PRTFDC1: variants seen among roughly 807,000 people sequenced by gnomAD.
The protein encoded by PRTFDC1 is phosphoribosyltransferase domain-containing protein 1.
In PRTFDC1, 38 loss-of-function variants were observed where a neutral mutation model predicts 34.6. That is an observed-to-expected ratio of 1.10 (90% confidence interval 0.85 to 1.44). The LOEUF (loss-of-function observed/expected upper bound fraction) is 1.44. Among genes scored for constraint, PRTFDC1 ranks in the 40% most tolerant of loss-of-function variants. PRTFDC1 has a pLI of 0.00. For missense variants in PRTFDC1, 270 were observed against 283.0 expected, an observed-to-expected ratio of 0.95 and a Z score of 0.33; for synonymous variants, 93 against 98.1, an observed-to-expected ratio of 0.95 and a Z score of 0.31.
At chr10:24,892,695 G>T (rs954597113) in intron 3 of PRTFDC1, among the ~76,000 whole-genome samples, 1 of 152,002 alleles carries the variant, frequency 6.6e-6, no homozygotes, top group African/African-American at 2.4e-5. Flanking sequence ...AACAAATTGT[G>T]CGTATGATAA....
chr10:24,869,932 T>C (rs1323133758), intron 4 of PRTFDC1, among the ~76,000 whole-genome samples: 1 of 152,224 alleles, frequency 6.6e-6, no homozygotes, highest in Non-Finnish European at 1.5e-5. Context: ...AAGAGGACCA[T>C]CCACTTGTTC....
At chr10:24,921,291 G>A (rs182228184) in intron 3 of PRTFDC1, among the ~76,000 whole-genome samples, 172 of 152,236 alleles carry the variant, frequency 1.1e-3, no homozygotes, top group African/African-American at 3.2e-3. Flanking sequence ...AATTTTGGAA[G>A]TGTGAGTTGG....
intron 3 of PRTFDC1, among the ~76,000 whole-genome samples, chr10:24,891,874 C>T (rs749868584): frequency 1.4e-4 from 21 of 152,172 alleles, no homozygotes; most frequent in Non-Finnish European, 2.6e-4. Flanking sequence ...GTGGGCCCTA[C>T]GATTGCCTCA....
chr10:24,885,169 T>C lies in PRTFDC1; in HGVS notation c.340-13106A>G, dbSNP rs557518943. 4.7e-4 allele frequency among the ~76,000 whole-genome samples: 71 copies of C among 152,320 alleles called. 1 individual carries two copies. Among genetic ancestry groups the C allele is most frequent in the African/African-American group, 1.7e-3 (69 of 41,580 alleles). On this transcript the variant is annotated intron_variant, in intron 3 of 8. Transcript: ENST00000320152. ...AAACCTTAACTATTTCAGCAAAGGG[T>C]ATGTGGATCTGCCTTTGTATTCTCG...
intron 4 of PRTFDC1, among the ~76,000 whole-genome samples, chr10:24,871,598 G>A (rs1847868345): frequency 6.6e-6 from 1 of 150,600 alleles, no homozygotes; most frequent in African/African-American, 2.4e-5. Flanking sequence ...ACTTGTCAAT[G>A]AACCTGTGTA....
chr10:24,942,497 C>A (rs1328850953), intron 1 of PRTFDC1, 61 bp from the exon 2 acceptor site: 1 of 1,324,488 alleles, frequency 7.6e-7, no homozygotes, highest in South Asian at 1.2e-5. Flanking sequence ...TAAAACATAA[C>A]AAAAGAGTAT....
chr10:24,856,198 G>C (rs1847572792), intron 6 of PRTFDC1, among the ~76,000 whole-genome samples: 1 of 147,840 alleles, frequency 6.8e-6, no homozygotes, highest in South Asian at 2.2e-4. Context: ...GAGCCCAGAA[G>C]TTTGAGGCTG....
At position 24,928,826 on chromosome 10, in the gene PRTFDC1, A is replaced by AG. The variant is rs575353625; in HGVS notation, c.339+8357dup. Among the ~76,000 whole-genome samples the AG allele has an allele frequency of 4.8e-3, 727 of 151,822 alleles. 8 individuals are homozygous for AG. Among genetic ancestry groups the AG allele is most frequent in the African/African-American group, 0.017 (698 of 41,514 alleles). On this transcript the variant is annotated intron_variant, in intron 3 of 8. Coordinates refer to ENST00000320152, the MANE Select transcript of PRTFDC1 (RefSeq NM_020200.7). ...GCCGAGACAGGCAGATCACGAGGTC[A>AG]GGAGATAGAGACCATCCTGACTAAC... is the stretch of plus-strand genomic sequence containing the variant.
intron 1 of PRTFDC1, among the ~76,000 whole-genome samples, chr10:24,949,592 T>C (rs1849304267): frequency 6.6e-6 from 1 of 152,156 alleles, no homozygotes; most frequent in Non-Finnish European, 1.5e-5. Flanking sequence ...CAAGTTCTAC[T>C]GGAGAAAAGG....
chr10:24,861,539 A>G (rs1320537721), intron 4 of PRTFDC1, among the ~76,000 whole-genome samples: 1 of 151,800 alleles, frequency 6.6e-6, no homozygotes, highest in Admixed American at 6.6e-5. Context: ...CAAACAAAAA[A>G]CCAAATCAAA....
intron 3 of PRTFDC1, among the ~76,000 whole-genome samples, chr10:24,912,268 CAAAAAAAAAA>C (rs58294462): frequency 7.4e-5 from 4 of 53,938 alleles, no homozygotes; most frequent in East Asian, 1.0e-3. Context: ...GACTTCATCT[CAAAAAAAAAA>C]AAAAAAAAAA....
chr10:24,944,280 C>T (rs1009736827), intron 1 of PRTFDC1, among the ~76,000 whole-genome samples: 2 of 152,202 alleles, frequency 1.3e-5, no homozygotes, highest in African/African-American at 2.4e-5. Flanking sequence ...TTTCTTTCAT[C>T]GCCCTCAGGC....
chr10:24,942,493 A>G (rs952277558), intron 1 of PRTFDC1, 57 bp from the exon 2 acceptor site: 51 of 1,367,062 alleles, frequency 3.7e-5, no homozygotes, highest in Non-Finnish European at 5.3e-5. Flanking sequence ...TGTTTAAAAC[A>G]TAACAAAAGA....
rs562434080 is a variant in PRTFDC1 at position 24,935,048 on chromosome 10, G to T, written c.339+2136C>A. On this transcript the variant is annotated intron_variant, in intron 3 of 8. Transcript: ENST00000320152. ...TATCTGTGGTTTCCAGGGCTTAGGG[G>T]TTCAGGAGGTTGACTGTGAAGGACA... Among the ~76,000 whole-genome samples, 6 of 152,304 alleles carry T rather than the reference G, an allele frequency of 3.9e-5. No homozygotes were observed. In the East Asian group the frequency reaches 7.7e-4, roughly 20 times the overall value.
intron 3 of PRTFDC1, among the ~76,000 whole-genome samples, chr10:24,916,250 G>A (rs890974439): frequency 2.0e-5 from 3 of 152,096 alleles, no homozygotes; most frequent in Admixed American, 1.3e-4. Flanking sequence ...TCCAGCTATC[G>A]TTATCTCTCA....
At chr10:24,924,303 C>T (rs1848838265) in intron 3 of PRTFDC1, among the ~76,000 whole-genome samples, 2 of 152,124 alleles carry the variant, frequency 1.3e-5, no homozygotes, top group Admixed American at 6.5e-5. Flanking sequence ...ATACAGAGAA[C>T]ACCACAAAGA....
chr10:24,866,822 G>C (rs1182709696), intron 4 of PRTFDC1, among the ~76,000 whole-genome samples: 1 of 150,630 alleles, frequency 6.6e-6, no homozygotes, highest in Admixed American at 6.6e-5. Context: ...AAAGAAGAGA[G>C]AGAAAGGAAG....
chr10:24,889,761 G>C (rs1012326737), intron 3 of PRTFDC1, among the ~76,000 whole-genome samples: 1 of 152,188 alleles, frequency 6.6e-6, no homozygotes, highest in Non-Finnish European at 1.5e-5. Context: ...AGAAAAGATG[G>C]CTTATTTGAT....
At chr10:24,916,303 C>T (rs897093473) in intron 3 of PRTFDC1, among the ~76,000 whole-genome samples, 1 of 152,216 alleles carries the variant, frequency 6.6e-6, no homozygotes, top group Non-Finnish European at 1.5e-5. Flanking sequence ...CCCTGCTCAA[C>T]CTTTACCCCT....
Sources: allele counts gnomAD v4.1 joint callset (sites outside exome capture counted in the v4.1 genomes callset), GRCh38; gene constraint gnomAD v4.1.1; transcripts MANE v1.5; gene names NCBI Gene and HGNC (gene_info 2026-07-23, HGNC 2026-07-21).